CYTH3: variants seen among roughly 807,000 people sequenced by gnomAD.
The protein encoded by CYTH3 is cytohesin-3.
A neutral mutation model predicts 55.1 loss-of-function variants in CYTH3; 23 were observed. That is an observed-to-expected ratio of 0.42 (90% confidence interval 0.30 to 0.59). The LOEUF is 0.59. Among genes scored for constraint, CYTH3 ranks in the 20% least tolerant of loss-of-function variants. The probability of loss-of-function intolerance (pLI) is 0.20; values close to 1 mark genes in which losing one functional copy is unlikely to be tolerated. For missense variants in CYTH3, 413 were observed against 524.8 expected (o/e 0.79, Z 2.08); for synonymous variants, 249 against 194.9 (o/e 1.28, Z -2.31).
chr7:6,162,843 A>G lies in CYTH3; in HGVS notation c.*2101T>C, dbSNP rs534037737. The stretch of plus-strand genomic sequence containing the variant: ...AGGTCACACCTGGGTTGGTCAGAAG[A>G]AGGAAACAGCTTGTCCGAGCACAAC... On this transcript the variant is annotated 3_prime_UTR_variant, in exon 13 of 13. Transcript: ENST00000350796. 7.2e-5 allele frequency: 11 copies of G among 152,756 alleles called. No homozygotes were observed. Among genetic ancestry groups the G allele is most frequent in the South Asian group, 4.1e-4 (2 of 4,828 alleles). The allele number at this position is 152,756 out of a possible 1,614,324, so 9.5% of individuals were successfully genotyped here. A position where few individuals can be genotyped will look rare whatever the true frequency, so the allele number is the denominator to read the frequency against.
At chr7:6,249,790 A>C (rs1035198546) in intron 1 of CYTH3, among the ~76,000 whole-genome samples, 4 of 152,190 alleles carry the variant, frequency 2.6e-5, no homozygotes, top group African/African-American at 9.7e-5. Context: ...GTCTTGATTA[A>C]GGAGACACTG....
intron 1 of CYTH3, among the ~76,000 whole-genome samples, chr7:6,219,121 T>C (rs186832031): frequency 4.0e-4 from 60 of 151,782 alleles, no homozygotes; most frequent in African/African-American, 1.4e-3. Context: ...ACACCGTTGG[T>C]AGAAAAATGG....
rs377336829 is a variant in CYTH3, at chr7:6,163,403, T to A, written c.*1541A>T. The A allele has an allele frequency of 6.5e-6, 1 of 152,728 alleles. No individual in the cohort carries two copies. The highest frequency in any genetic ancestry group is 2.4e-5 in the African/African-American group (1 of 41,432). 9.5% of individuals were successfully genotyped at this position (152,728 alleles called of 1,614,324 possible). Reference sequence around the variant, plus strand: ...AGGTGGGGCAGGAAGAGGAAGTCCATAGAGGAAAAGCCAGCCACCAACCCA... The same window carrying A: ...AGGTGGGGCAGGAAGAGGAAGTCCAAAGAGGAAAAGCCAGCCACCAACCCA... On this transcript the variant is annotated 3_prime_UTR_variant, in exon 13 of 13. Transcript: ENST00000350796.
rs776737393 is a variant in CYTH3 at position 6,187,714 on chromosome 7, T to C, written c.125A>G (p.Lys42Arg). The C allele has an allele frequency of 1.2e-5, 20 of 1,614,140 alleles. No homozygotes were observed. The African/African-American group carries it at 2.3e-4, about 18-fold the overall frequency. The change falls in exon 3 of 13, where the codon AAA becomes AGA. Residue 42 changes from lysine to arginine, a missense_variant. By Grantham distance (26) the Lys-to-Arg change is conservative. This residue lies in a region of CYTH3 where 152 missense variants were observed against 148.1 expected (regional missense o/e 1.03). Transcript: ENST00000350796. ...KELIDDIERLKYEIAEVMTEI... is the reference protein window; with the variant it reads ...KELIDDIERLRYEIAEVMTEI... ...TGTCATCACCTCTGCAATTTCATAT[T>C]TCAGCCTCTGTCAAAAAAGAAGAAT...
At chr7:6,198,248 G>A (rs1783980666) in intron 1 of CYTH3, among the ~76,000 whole-genome samples, 1 of 152,222 alleles carries the variant, frequency 6.6e-6, no homozygotes, top group South Asian at 2.1e-4. Context: ...AGGCATAGGA[G>A]TATGTGATAA....
intron 1 of CYTH3, among the ~76,000 whole-genome samples, chr7:6,205,618 A>G (rs1400229232): frequency 2.6e-5 from 4 of 152,124 alleles, no homozygotes; most frequent in Non-Finnish European, 5.9e-5. Flanking sequence ...AGATAATGTG[A>G]AAATATTACT....
chr7:6,165,415 G>C lies in CYTH3; in HGVS notation c.985C>G (p.Leu329Val), dbSNP rs756444576. 5 of 1,613,378 alleles carry C rather than the reference G, an allele frequency of 3.1e-6. No homozygotes were observed. Among genetic ancestry groups the C allele is most frequent in the Middle Eastern group, 1.7e-4 (1 of 6,052 alleles). Residue 329 changes from leucine to valine, a missense_variant, in exon 12 of 13, where the codon CTC becomes GTC. By Grantham distance (32) the Leu-to-Val change is conservative. This residue lies in a region of CYTH3 where 98 missense variants were observed against 115.2 expected (regional missense o/e 0.85). Transcript: ENST00000350796. ...EDPRKPNCFE[L>V]YNPSHKGQVI... ...TGCCCTTTGTGGCTGGGATTGTAGA[G>C]CTCAAAACAGTTCTGGTGGAGAAAG... is the stretch of plus-strand genomic sequence containing the variant.
intron 4 of CYTH3, among the ~76,000 whole-genome samples, chr7:6,182,707 T>A (rs1783534624): frequency 6.6e-6 from 1 of 151,810 alleles, no homozygotes; most frequent in Admixed American, 6.6e-5. Context: ...GAGATGAGGG[T>A]CTCACTATGT....
At chr7:6,210,657 A>T (rs1000911047) in intron 1 of CYTH3, among the ~76,000 whole-genome samples, 3 of 152,208 alleles carry the variant, frequency 2.0e-5, no homozygotes, top group Admixed American at 2.0e-4. Flanking sequence ...GGTGTCCCCA[A>T]AAGAAACCCC....
chr7:6,193,123 G>C (rs1054552814), intron 1 of CYTH3, among the ~76,000 whole-genome samples: 2 of 152,050 alleles, frequency 1.3e-5, no homozygotes, highest in Admixed American at 1.3e-4. Context: ...AGTGAGCCGA[G>C]ATCCCACCAC....
chr7:6,259,827 TATATA>T (rs1428777288), intron 1 of CYTH3, among the ~76,000 whole-genome samples: 7 of 23,852 alleles, frequency 2.9e-4, no homozygotes, highest in African/African-American at 1.1e-3. Flanking sequence ...TATATATATA[TATATA>T]TTTTTTTTTT....
At chr7:6,221,943 C>G (rs796337188) in intron 1 of CYTH3, among the ~76,000 whole-genome samples, 1 of 152,020 alleles carries the variant, frequency 6.6e-6, no homozygotes, top group Non-Finnish European at 1.5e-5. Context: ...CAGAGCAAGA[C>G]GCTGTCAAAA....
intron 5 of CYTH3, among the ~76,000 whole-genome samples, chr7:6,177,108 A>G (rs1310443329): frequency 1.3e-5 from 2 of 152,232 alleles, no homozygotes; most frequent in Non-Finnish European, 2.9e-5. Flanking sequence ...TATTACAGTC[A>G]TAAGGATAGG....
intron 4 of CYTH3, among the ~76,000 whole-genome samples, chr7:6,181,941 G>A (rs886267101): frequency 3.3e-5 from 5 of 152,002 alleles, no homozygotes; most frequent in Admixed American, 3.3e-4. Context: ...TTTATATCAT[G>A]GATAAGAAAC....
chr7:6,170,473 C>G lies in CYTH3; in HGVS notation c.823+62G>C. 1 of 1,497,318 alleles carries G rather than the reference C, an allele frequency of 6.7e-7. No homozygotes were observed. Among genetic ancestry groups the G allele is most frequent in the South Asian group, 1.2e-5 (1 of 83,876 alleles). 92.8% of individuals were successfully genotyped at this position (1,497,318 alleles called of 1,614,324 possible). On this transcript the variant is annotated intron_variant, in intron 9 of 12. Coordinates refer to ENST00000350796, the MANE Select transcript of CYTH3 (RefSeq NM_004227.4). This position sits in a 1 kb window ranked among gnomAD's most constrained non-coding sequence, Gnocchi z 7.8. The stretch of plus-strand genomic sequence containing the variant: ...TTCCTACGATGAGCCTGGGAGGAAC[C>G]CGAGGGGCTGCTGCCATGGGCAGAG...
chr7:6,267,814 G>A (rs1049687195), intron 1 of CYTH3, among the ~76,000 whole-genome samples: 5 of 152,086 alleles, frequency 3.3e-5, no homozygotes, highest in African/African-American at 9.7e-5. Flanking sequence ...GAGCCATTGC[G>A]CCCAGCTGTA....
At chr7:6,233,261 C>T (rs933151725) in intron 1 of CYTH3, among the ~76,000 whole-genome samples, 1 of 152,180 alleles carries the variant, frequency 6.6e-6, no homozygotes, top group South Asian at 2.1e-4. Context: ...ATTACCTTAT[C>T]CTCTACACAC....
chr7:6,195,131 T>C (rs1390095955), intron 1 of CYTH3, among the ~76,000 whole-genome samples: 1 of 152,152 alleles, frequency 6.6e-6, no homozygotes, highest in African/African-American at 2.4e-5. Context: ...TGGCAATGGT[T>C]ATGCCTAAAA....
intron 1 of CYTH3, among the ~76,000 whole-genome samples, chr7:6,226,359 AC>A (rs1275100176): frequency 6.6e-6 from 1 of 152,236 alleles, no homozygotes; most frequent in Non-Finnish European, 1.5e-5. Context: ...CAGCTGTAGA[AC>A]ATCTGGCATT....
Sources: gnomAD v4.1 joint callset for allele counts (sites outside exome capture counted in the v4.1 genomes callset) on GRCh38, gnomAD v4.1.1 for gene constraint, gnomAD v4.1.1 regional missense constraint, Gnocchi (gnomAD v3.1) non-coding constraint, MANE v1.5 for transcripts, NCBI Gene and HGNC (gene_info 2026-07-23, HGNC 2026-07-21) for gene names.